The following EXOC6B variants were observed in gnomAD, a reference collection of about 807,000 sequenced individuals.
EXOC6B encodes the protein exocyst complex component 6B.
In EXOC6B, 54 loss-of-function variants were observed where a neutral mutation model predicts 113.5. The ratio of observed to expected loss-of-function variants is 0.48; its 90% confidence interval spans 0.38 to 0.60. The LOEUF (loss-of-function observed/expected upper bound fraction) is 0.60. EXOC6B is among the 20% of genes least tolerant of loss of function. The pLI is 0.00. For synonymous variants in EXOC6B, 357 were observed against 339.0 expected (o/e 1.05, Z -0.58); for missense variants, 797 against 977.5 (o/e 0.82, Z 2.46).
chr2:72,756,653 C>T (rs1682429121), intron 1 of EXOC6B, among the ~76,000 whole-genome samples: 1 of 152,160 alleles, frequency 6.6e-6, no homozygotes, highest in Non-Finnish European at 1.5e-5. Context: ...TCCTGTTAAA[C>T]ATTTTATATT....
At chr2:72,490,474 G>C (rs1418595195) in intron 16 of EXOC6B, among the ~76,000 whole-genome samples, 2 of 151,986 alleles carry the variant, frequency 1.3e-5, no homozygotes, top group East Asian at 3.9e-4. Flanking sequence ...ACTCATAAAG[G>C]ATGTGTCTTC....
At chr2:72,397,008 C>T (rs1221076156) in intron 18 of EXOC6B, among the ~76,000 whole-genome samples, 3 of 151,284 alleles carry the variant, frequency 2.0e-5, no homozygotes, top group Admixed American at 2.0e-4. Flanking sequence ...AAATATGTTG[C>T]CTTTTTACTC....
intron 10 of EXOC6B, 133 bp from the exon 11 acceptor site, chr2:72,513,385 T>G: frequency 3.5e-6 from 4 of 1,138,218 alleles, no homozygotes; most frequent in Non-Finnish European, 4.9e-6. Context: ...AGAAACTTAT[T>G]CAGTAGAATA....
At chr2:72,189,120 T>A (rs931690518) in intron 20 of EXOC6B, among the ~76,000 whole-genome samples, 9 of 152,234 alleles carry the variant, frequency 5.9e-5, no homozygotes, top group Non-Finnish European at 1.2e-4. Context: ...AGTAATGTCC[T>A]TTATAGCCTC....
intron 6 of EXOC6B, among the ~76,000 whole-genome samples, chr2:72,657,225 C>CT (rs70963135): frequency 0.65 from 78,094 of 120,038 alleles, 28,872 homozygotes; most frequent in East Asian, 0.98. Flanking sequence ...CCACAACTGT[C>CT]TTTTTTTTTT....
chr2:72,821,361 A>T (rs1573852694), intron 1 of EXOC6B, among the ~76,000 whole-genome samples: 1 of 152,136 alleles, frequency 6.6e-6, no homozygotes, highest in East Asian at 1.9e-4. Flanking sequence ...ACCCTGATAC[A>T]TTGCTACAGG....
intron 8 of EXOC6B, among the ~76,000 whole-genome samples, chr2:72,557,154 TA>T (rs1286817350): frequency 6.6e-6 from 1 of 151,858 alleles, no homozygotes; most frequent in Non-Finnish European, 1.5e-5. Flanking sequence ...CAAATCACTA[TA>T]TATTTTTCAA....
intron 20 of EXOC6B, among the ~76,000 whole-genome samples, chr2:72,334,614 C>A (rs1295458094): frequency 5.9e-5 from 9 of 152,184 alleles, no homozygotes. Context: ...ACCTGCTTAG[C>A]ATTGGTTTGC....
At chr2:72,323,476 C>T (rs535813160) in intron 20 of EXOC6B, among the ~76,000 whole-genome samples, 4 of 152,178 alleles carry the variant, frequency 2.6e-5, no homozygotes, top group East Asian at 3.9e-4. Context: ...TCAGTAATCC[C>T]GTTACTGGGT....
At chr2:72,388,607 C>T (rs1692193218) in intron 18 of EXOC6B, among the ~76,000 whole-genome samples, 2 of 151,828 alleles carry the variant, frequency 1.3e-5, no homozygotes, top group African/African-American at 2.4e-5. Context: ...TTTACTGATA[C>T]CCTATTTATT....
chr2:72,340,581 G>A (rs150197769), intron 19 of EXOC6B, among the ~76,000 whole-genome samples: 190 of 152,272 alleles, frequency 1.2e-3, no homozygotes, highest in Middle Eastern at 3.4e-3. Context: ...CAATGGACAC[G>A]ATAGCATCAC....
In EXOC6B at chr2:72,447,606, A is replaced by G. The variant is rs151238069; in HGVS notation, c.1980+17554T>C. 4.9e-3 allele frequency among the ~76,000 whole-genome samples: 752 copies of G among 152,328 alleles called. 10 individuals carry two copies. The highest frequency in any genetic ancestry group is 0.017 in the African/African-American group (697 of 41,572). Reference sequence around the variant, plus strand: ...TAGACTAAAATACAGCAGATACTGGACCACCATGGTGCTAATTTCAGAAAA... The same window carrying G: ...TAGACTAAAATACAGCAGATACTGGGCCACCATGGTGCTAATTTCAGAAAA... On this transcript the variant is annotated intron_variant, in intron 18 of 21. Coordinates refer to ENST00000272427, the MANE Select transcript of EXOC6B (RefSeq NM_015189.3).
At chr2:72,752,673 C>T (rs1486319043) in intron 1 of EXOC6B, among the ~76,000 whole-genome samples, 2 of 151,814 alleles carry the variant, frequency 1.3e-5, no homozygotes, top group Non-Finnish European at 2.9e-5. Context: ...AAATTAGACT[C>T]GCTCTTCAAA....
intron 6 of EXOC6B, among the ~76,000 whole-genome samples, chr2:72,639,393 C>T (rs538226515): frequency 2.3e-4 from 35 of 152,290 alleles, no homozygotes; most frequent in Admixed American, 6.5e-4. Flanking sequence ...ACACCACCTC[C>T]GGCATGACTG....
chr2:72,401,564 TACATATATATATATATAC>T (rs1693232616), intron 18 of EXOC6B, among the ~76,000 whole-genome samples: 1 of 25,676 alleles, frequency 3.9e-5, no homozygotes, highest in Non-Finnish European at 6.0e-5. Context: ...TATATATATA[TACATATATATATATATAC>T]ATATATATAT....
intron 18 of EXOC6B, among the ~76,000 whole-genome samples, chr2:72,417,733 C>T (rs980495612): frequency 2.0e-5 from 3 of 152,092 alleles, no homozygotes; most frequent in African/African-American, 7.2e-5. Flanking sequence ...GTGTGTTGTA[C>T]ATTTTTATGG....
chr2:72,802,045 C>A (rs2105086344), intron 1 of EXOC6B, among the ~76,000 whole-genome samples: 1 of 152,286 alleles, frequency 6.6e-6, no homozygotes, highest in East Asian at 1.9e-4. Context: ...GAACTTGTGG[C>A]TGGGCACTGT....
chr2:72,419,060 GCTTAA>G lies in EXOC6B; in HGVS notation c.1981-39195_1981-39191del, dbSNP rs1438931944. On this transcript the variant is annotated intron_variant, in intron 18 of 21. Transcript: ENST00000272427. Reference sequence around the variant, plus strand: ...CACACTCTAATTTGAATTTATACCAGCTTAACTTAAGAAATAAACAAAAACTCTGT... The same window carrying G: ...CACACTCTAATTTGAATTTATACCAGCTTAAGAAATAAACAAAAACTCTGT... Among the ~76,000 whole-genome samples the G allele has an allele frequency of 1.3e-4, 20 of 152,032 alleles. No homozygotes were observed. In the South Asian group the frequency reaches 1.7e-3, roughly 13 times the overall value.
intron 20 of EXOC6B, among the ~76,000 whole-genome samples, chr2:72,212,272 G>A (rs1680242700): frequency 1.3e-5 from 2 of 152,152 alleles, no homozygotes; most frequent in African/African-American, 4.8e-5. Flanking sequence ...GCCTGATTCA[G>A]CTCTTAATTC....
Sources: gnomAD v4.1 joint callset for allele counts (sites outside exome capture counted in the v4.1 genomes callset) on GRCh38, gnomAD v4.1.1 for gene constraint, MANE v1.5 for transcripts, NCBI Gene and HGNC (gene_info 2026-07-23, HGNC 2026-07-21) for gene names.